Variants in LUC7L observed in about 807,000 individuals in gnomAD.
The protein encoded by LUC7L is putative RNA-binding protein Luc7-like 1.
LUC7L carries 29 observed loss-of-function variants against 51.1 expected under a neutral mutation model. That is an observed-to-expected ratio of 0.57 (90% confidence interval 0.42 to 0.77). The LOEUF is 0.77. Among genes scored for constraint, LUC7L ranks in the 30% least tolerant of loss-of-function variants. The probability of loss-of-function intolerance (pLI) is 0.00; values close to 1 mark genes in which losing one functional copy is unlikely to be tolerated. For missense variants in LUC7L, 403 were observed against 511.9 expected, an observed-to-expected ratio of 0.79 and a Z score of 2.05; for synonymous variants, 181 against 180.7, an observed-to-expected ratio of 1.00 and a Z score of -0.01.
At chr16:219,801 G>C (rs1293374632) in intron 3 of LUC7L, among the ~76,000 whole-genome samples, 2 of 151,900 alleles carry the variant, frequency 1.3e-5, no homozygotes, top group South Asian at 2.1e-4. Flanking sequence ...CCTGGGAGGA[G>C]TAGGTTGCAG....
chr16:194,776 T>C (rs2049104735), intron 6 of LUC7L, among the ~76,000 whole-genome samples: 1 of 152,132 alleles, frequency 6.6e-6, no homozygotes, highest in Admixed American at 6.6e-5. Context: ...ACCTCGCCAA[T>C]GAAAATACCG....
chr16:220,845 T>C, intron 2 of LUC7L, 98 bp from the exon 3 acceptor site: 1 of 766,062 alleles, frequency 1.3e-6, no homozygotes, highest in South Asian at 1.6e-5. Flanking sequence ...ACAGAAATGA[T>C]CACTTTTGGA....
intron 4 of LUC7L, 82 bp downstream of exon 4, chr16:207,996 G>A (rs2049531405): frequency 4.4e-6 from 4 of 913,362 alleles, no homozygotes; most frequent in Non-Finnish European, 6.8e-6. Context: ...GTGACAGAGG[G>A]AGACTCCATC....
intron 5 of LUC7L, among the ~76,000 whole-genome samples, chr16:201,599 CCGGCCAATTTTTTGTATTTTTAG>C (rs1163400745): frequency 6.6e-6 from 1 of 152,092 alleles, no homozygotes; most frequent in African/African-American, 2.4e-5. Context: ...GCCGCCACGC[CCGGCCAATTTTTTGTATTTTTAG>C]TAGAGACGGA....
intron 1 of LUC7L, 105 bp downstream of exon 1, chr16:229,174 C>T: frequency 6.8e-7 from 1 of 1,465,200 alleles, no homozygotes; most frequent in South Asian, 1.3e-5. Context: ...AGCGATGCCC[C>T]GCGCAGGCGC....
At chr16:208,774 T>C (rs1426839971) in intron 3 of LUC7L, 1 of 251,526 alleles carries the variant, frequency 4.0e-6, no homozygotes. Flanking sequence ...CCCAAAGAGA[T>C]AAAGGAAAAG....
intron 8 of LUC7L, 39 bp from the exon 9 acceptor site, chr16:190,174 G>T: frequency 6.4e-7 from 1 of 1,560,612 alleles, no homozygotes; most frequent in South Asian, 1.1e-5. Context: ...GACTCTATAG[G>T]TGCCAACACT....
chr16:189,582 G>C, intron 9 of LUC7L: 1 of 1,371,252 alleles, frequency 7.3e-7, no homozygotes, highest in Non-Finnish European at 9.4e-7. Flanking sequence ...CAGTGCAAAG[G>C]AGAATACAAC....
intron 6 of LUC7L, among the ~76,000 whole-genome samples, chr16:196,174 G>A (rs1292474227): frequency 6.6e-6 from 1 of 152,086 alleles, no homozygotes. Context: ...TTGGGAGGCC[G>A]AGACAGGTGG....
chr16:218,970 A>T (rs2049890288), intron 3 of LUC7L, among the ~76,000 whole-genome samples: 1 of 147,914 alleles, frequency 6.8e-6, no homozygotes, highest in Non-Finnish European at 1.5e-5. Flanking sequence ...GTGGTGGCAC[A>T]CACCTATACC....
chr16:225,779 C>G (rs1225459215), intron 2 of LUC7L, among the ~76,000 whole-genome samples: 1 of 151,324 alleles, frequency 6.6e-6, no homozygotes, highest in Admixed American at 6.6e-5. Context: ...GCCACCGCAC[C>G]CAGCCTGAAA....
At chr16:222,097 G>A (rs1335423793) in intron 2 of LUC7L, among the ~76,000 whole-genome samples, 1 of 152,104 alleles carries the variant, frequency 6.6e-6, no homozygotes, top group Non-Finnish European at 1.5e-5. Flanking sequence ...AGCATGATGT[G>A]CTATTATGTG....
At position 217,732 on chromosome 16, in the gene LUC7L, A is replaced by T. The variant is rs1052272682; in HGVS notation, c.255+2917T>A. ...CAAAAAAAAAAAAAATTTTTTTTTT[A>T]AATAAATAAACAGAATTTACTTGAG... is the stretch of plus-strand genomic sequence containing the variant. On this transcript the variant is annotated intron_variant, in intron 3 of 9. Coordinates refer to ENST00000293872, the MANE Select transcript of LUC7L (RefSeq NM_201412.3). Among the ~76,000 whole-genome samples the T allele has an allele frequency of 4.7e-5, 7 of 150,142 alleles. No homozygotes were observed. The South Asian group carries it at 1.5e-3, about 32-fold the overall frequency.
At position 208,181 on chromosome 16, in the gene LUC7L, TC is replaced by T; in HGVS notation, c.262del (p.Asp88IlefsTer42). On this transcript the variant is annotated frameshift_variant, in exon 4 of 10. Coordinates refer to ENST00000293872, the MANE Select transcript of LUC7L (RefSeq NM_201412.3). LOFTEE classifies it high-confidence loss of function. ...TTCAGCAATAAAGGACTCCAAGTGA[TC>T]CATTGCCTAGCACGGGAAAAGCACA... ...RDLFFELDAM[D>X]HLESFIAECD... The T allele has an allele frequency of 6.2e-7, 1 of 1,610,210 alleles. No homozygotes were observed. The highest frequency in any genetic ancestry group is 8.5e-7 in the Non-Finnish European group (1 of 1,176,892).
At chr16:194,593 C>T (rs2049101851) in intron 6 of LUC7L, among the ~76,000 whole-genome samples, 1 of 152,150 alleles carries the variant, frequency 6.6e-6, no homozygotes, top group Admixed American at 6.6e-5. Flanking sequence ...ATCCCTACAG[C>T]CAAAAAGCAG....
chr16:212,613 A>C (rs2049675497), intron 3 of LUC7L, among the ~76,000 whole-genome samples: 1 of 152,114 alleles, frequency 6.6e-6, no homozygotes. Flanking sequence ...AACTGGTCTC[A>C]TGTGGTATAT....
chr16:211,966 G>GC (rs986910688), intron 3 of LUC7L, among the ~76,000 whole-genome samples: 3 of 152,180 alleles, frequency 2.0e-5, no homozygotes, highest in Non-Finnish European at 2.9e-5. Context: ...GTGCCCTTGT[G>GC]CTGCACTAGG....
At chr16:225,503 T>TTTG (rs2050105364) in intron 2 of LUC7L, among the ~76,000 whole-genome samples, 1 of 139,196 alleles carries the variant, frequency 7.2e-6, no homozygotes, top group Non-Finnish European at 1.6e-5. Context: ...TTTTTTTTTT[T>TTTG]GAGACAGAGT....
At chr16:220,573 G>GT in intron 3 of LUC7L, 76 bp downstream of exon 3, 1 of 1,079,398 alleles carries the variant, frequency 9.3e-7, no homozygotes, top group Non-Finnish European at 1.4e-6. Flanking sequence ...CATAACTTAC[G>GT]TATGTTACAT....
Sources: allele counts gnomAD v4.1 joint callset (sites outside exome capture counted in the v4.1 genomes callset), GRCh38; gene constraint gnomAD v4.1.1; transcripts MANE v1.5; gene names NCBI Gene and HGNC (gene_info 2026-07-23, HGNC 2026-07-21).